Variants in LRBA observed in about 807,000 individuals in gnomAD.
LRBA encodes the protein LPS responsive beige-like anchor protein.
A neutral mutation model predicts 330.0 loss-of-function variants in LRBA; 176 were observed. The observed-to-expected ratio is 0.53, with a 90% CI of 0.47 to 0.60. The LOEUF (loss-of-function observed/expected upper bound fraction) is 0.60, where lower values mean the gene tolerates loss of function less well. Among genes scored for constraint, LRBA ranks in the 20% least tolerant of loss-of-function variants. The pLI is 0.00. For synonymous variants in LRBA, 1,230 were observed against 1,193.0 expected, an observed-to-expected ratio of 1.03 and a Z score of -0.64; for missense variants, 3,259 against 3,444.8, an observed-to-expected ratio of 0.95 and a Z score of 1.35.
At chr4:150,661,341 A>G (rs906299377) in intron 37 of LRBA, among the ~76,000 whole-genome samples, 17 of 151,426 alleles carry the variant, frequency 1.1e-4, no homozygotes, top group Admixed American at 2.6e-4. Context: ...GGCACCTATA[A>G]TCCCAGCTAT....
chr4:150,774,910 A>T (rs180978156), intron 34 of LRBA, among the ~76,000 whole-genome samples: 8 of 152,284 alleles, frequency 5.3e-5, no homozygotes, highest in African/African-American at 1.9e-4. Flanking sequence ...GTAAAATAAA[A>T]AAATTAATAG....
chr4:150,744,543 C>T (rs184847821), intron 35 of LRBA, among the ~76,000 whole-genome samples: 6 of 152,328 alleles, frequency 3.9e-5, no homozygotes, highest in South Asian at 2.1e-4. Context: ...CTTCTGAGTG[C>T]TAATTCTGAT....
rs1218743333 is a variant in LRBA at position 150,802,092 on chromosome 4, C to T, written c.5519-3950G>A. Among the ~76,000 whole-genome samples, 7 of 150,858 alleles carry T rather than the reference C, an allele frequency of 4.6e-5. No homozygotes were observed. The East Asian group carries it at 7.7e-4, about 17-fold the overall frequency. Reference sequence around the variant, plus strand: ...AACATTAGACGAGCATGGTGACATGCGCCTGTAGTCCCAACTACTTGAGAG... The same window carrying T: ...AACATTAGACGAGCATGGTGACATGTGCCTGTAGTCCCAACTACTTGAGAG... On this transcript the variant is annotated intron_variant, in intron 33 of 56. Transcript: ENST00000651943.
At chr4:150,296,196 CGTAA>C (rs1225847560) in intron 53 of LRBA, among the ~76,000 whole-genome samples, 1 of 151,882 alleles carries the variant, frequency 6.6e-6, no homozygotes, top group Non-Finnish European at 1.5e-5. Flanking sequence ...GTTAAAAATA[CGTAA>C]GTAAGGGACT....
Position 150,808,305 on chromosome 4 carries a change from T to G in LRBA, c.5384+15A>C. On this transcript the variant is annotated intron_variant, in intron 32 of 56. Transcript: ENST00000651943. ...AAGGTATAAATCACAATATTCAAGT[T>G]AGTAGCTTAAATACCTCATATTTGA... is the stretch of plus-strand genomic sequence containing the variant. 1 of 1,574,160 alleles carries G rather than the reference T, an allele frequency of 6.4e-7. No individual in the cohort carries two copies. The highest frequency in any genetic ancestry group is 8.7e-7 in the Non-Finnish European group (1 of 1,146,780).
intron 33 of LRBA, among the ~76,000 whole-genome samples, chr4:150,802,146 G>A (rs1041435510): frequency 6.6e-6 from 1 of 150,594 alleles, no homozygotes; most frequent in South Asian, 2.1e-4. Context: ...ACTGAGCCCA[G>A]GAAGACAAGG....
At chr4:151,000,667 C>T (rs913718385) in intron 2 of LRBA, among the ~76,000 whole-genome samples, 2 of 152,210 alleles carry the variant, frequency 1.3e-5, no homozygotes, top group African/African-American at 4.8e-5. Flanking sequence ...GATTTCATCA[C>T]ACTACTCAAG....
rs187686139 is a variant in LRBA, at chr4:150,506,667, C to G, written c.6331-15632G>C. 2.3e-3 allele frequency among the ~76,000 whole-genome samples: 344 copies of G among 152,274 alleles called. 1 individual carries two copies. Among genetic ancestry groups the G allele is most frequent in the African/African-American group, 8.0e-3 (331 of 41,548 alleles). On this transcript the variant is annotated intron_variant, in intron 40 of 56. Coordinates refer to ENST00000651943, the MANE Select transcript of LRBA (RefSeq NM_001364905.1). ...GAGGCATTCCCTTTGAAAACTGGCA[C>G]AAGACAGGGATGCCCTCTCTCACCA...
chr4:150,590,899 G>A, intron 38 of LRBA, 40 bp from the exon 39 acceptor site: 6 of 1,604,134 alleles, frequency 3.7e-6, no homozygotes, highest in Non-Finnish European at 5.1e-6. Context: ...TCAGTTCTGG[G>A]AAGAGCACTT....
intron 46 of LRBA, among the ~76,000 whole-genome samples, chr4:150,427,032 G>C (rs2151975481): frequency 6.6e-6 from 1 of 151,898 alleles, no homozygotes; most frequent in Admixed American, 6.6e-5. Context: ...CAAACAAAAA[G>C]TGAGCTGTAA....
chr4:150,271,635 A>G (rs1369180552), intron 56 of LRBA, among the ~76,000 whole-genome samples: 3 of 151,376 alleles, frequency 2.0e-5, no homozygotes, highest in Non-Finnish European at 2.9e-5. Flanking sequence ...CCAGCACAGC[A>G]GTCTGAAGTT....
Position 150,783,543 on chromosome 4 carries a change from A to C in LRBA, c.5580+14538T>G, listed in dbSNP as rs995415790. Among the ~76,000 whole-genome samples the C allele has an allele frequency of 9.2e-5, 14 of 152,370 alleles. No individual in the cohort carries two copies. The East Asian group carries it at 2.3e-3, about 25-fold the overall frequency. On this transcript the variant is annotated intron_variant, in intron 34 of 56. Transcript: ENST00000651943. ...GCAAACAAGGCAGTACTGATGTTTC[A>C]ATTAAATGCCTAATTATAATCTGAG...
At chr4:150,715,776 G>C (rs1205082861) in intron 36 of LRBA, among the ~76,000 whole-genome samples, 1 of 152,122 alleles carries the variant, frequency 6.6e-6, no homozygotes, top group Non-Finnish European at 1.5e-5. Context: ...ATTACTAATA[G>C]AACCCAAAAA....
At chr4:150,519,445 A>G (rs1483352446) in intron 40 of LRBA, among the ~76,000 whole-genome samples, 1 of 152,184 alleles carries the variant, frequency 6.6e-6, no homozygotes, top group East Asian at 1.9e-4. Flanking sequence ...TACGCATGAT[A>G]CACATGGAAT....
At chr4:150,682,817 C>G (rs1353549183) in intron 37 of LRBA, among the ~76,000 whole-genome samples, 1 of 151,920 alleles carries the variant, frequency 6.6e-6, no homozygotes, top group Admixed American at 6.6e-5. Flanking sequence ...TTTCTAATAG[C>G]AAAATAAAAA....
chr4:150,436,768 G>A lies in LRBA; in HGVS notation c.6877C>T (p.His2293Tyr), dbSNP rs1197067196. 6.2e-7 allele frequency: 1 copy of A among 1,612,786 alleles called. No homozygotes were observed. The highest frequency in any genetic ancestry group is 2.2e-5 in the East Asian group (1 of 44,834). ...AGAACAAAACTTGCAGTTGAGTAAT[G>A]AGTACCATAGTGAAACTTTGGAACT... ...DQVPKFHYGT[H>Y]YSTASFVLAW... Residue 2293 changes from histidine to tyrosine, a missense_variant, in exon 45 of 57, where the codon CAT (histidine) becomes TAT (tyrosine). By Grantham distance (83) the His-to-Tyr change is moderately conservative. Coordinates refer to ENST00000651943, the MANE Select transcript of LRBA (RefSeq NM_001364905.1).
At chr4:150,549,488 C>T (rs1266455426) in intron 40 of LRBA, among the ~76,000 whole-genome samples, 6 of 151,882 alleles carry the variant, frequency 4.0e-5, no homozygotes, top group African/African-American at 4.8e-5. Flanking sequence ...CCCGTCACCA[C>T]GCCCGGCTAA....
intron 38 of LRBA, among the ~76,000 whole-genome samples, chr4:150,596,040 T>C (rs1210235518): frequency 6.6e-6 from 1 of 151,938 alleles, no homozygotes; most frequent in Non-Finnish European, 1.5e-5. Context: ...TAATTTTAAT[T>C]TTAAAATATG....
intron 37 of LRBA, among the ~76,000 whole-genome samples, chr4:150,672,510 A>G (rs1782156031): frequency 6.6e-6 from 1 of 152,078 alleles, no homozygotes; most frequent in African/African-American, 2.4e-5. Flanking sequence ...ATAATTGTAG[A>G]AAAGCAATTT....
Sources: allele counts gnomAD v4.1 joint callset (sites outside exome capture counted in the v4.1 genomes callset), GRCh38; gene constraint gnomAD v4.1.1; transcripts MANE v1.5; gene names NCBI Gene and HGNC (gene_info 2026-07-23, HGNC 2026-07-21).